Variants in UBE2E2 observed in about 807,000 individuals in gnomAD.
UBE2E2 encodes the protein ubiquitin-conjugating enzyme E2 E2.
Under a neutral mutation model 24.7 loss-of-function variants are expected in UBE2E2, and 6 were observed. That is an observed-to-expected ratio of 0.24 (90% CI 0.13 to 0.48). The LOEUF (loss-of-function observed/expected upper bound fraction) is 0.48. Ranked by LOEUF, UBE2E2 falls within the 20% of genes least tolerant of loss-of-function variation. The pLI is 0.99. For missense variants in UBE2E2, 169 were observed against 245.0 expected (o/e 0.69, Z 2.07); for synonymous variants, 104 against 83.6 (o/e 1.24, Z -1.33).
chr3:23,309,777 A>T (rs1310653068), intron 3 of UBE2E2, among the ~76,000 whole-genome samples: 1 of 152,174 alleles, frequency 6.6e-6, no homozygotes, highest in Non-Finnish European at 1.5e-5. Context: ...AAGTTAGCTC[A>T]GTCACGTTCC....
At chr3:23,218,952 C>G (rs1696554074) in intron 3 of UBE2E2, among the ~76,000 whole-genome samples, 3 of 152,138 alleles carry the variant, frequency 2.0e-5, no homozygotes, top group Admixed American at 2.0e-4. Context: ...CATATGTAAG[C>G]TCTTCATAAA....
intron 3 of UBE2E2, among the ~76,000 whole-genome samples, chr3:23,477,701 AC>A (rs1699169238): frequency 6.6e-6 from 1 of 152,166 alleles, no homozygotes; most frequent in South Asian, 2.1e-4. Flanking sequence ...AGAGTAAAAT[AC>A]CTTTTTAAGG....
chr3:23,423,022 T>C (rs1177863774), intron 3 of UBE2E2, among the ~76,000 whole-genome samples: 1 of 152,224 alleles, frequency 6.6e-6, no homozygotes, highest in African/African-American at 2.4e-5. Context: ...GCTTGGTTTT[T>C]CTGTGTGTCT....
intron 3 of UBE2E2, among the ~76,000 whole-genome samples, chr3:23,269,085 A>G (rs1698154826): frequency 6.6e-6 from 1 of 152,072 alleles, no homozygotes; most frequent in African/African-American, 2.4e-5. Context: ...CGTTAGACCT[A>G]AAACCATAAA....
intron 3 of UBE2E2, among the ~76,000 whole-genome samples, chr3:23,300,215 G>A (rs2125261068): frequency 6.6e-6 from 1 of 152,148 alleles, no homozygotes. Context: ...ACAGCACACT[G>A]GTGGGTCTTG....
chr3:23,544,937 G>T (rs369473673), intron 5 of UBE2E2, among the ~76,000 whole-genome samples: 1 of 152,112 alleles, frequency 6.6e-6, no homozygotes, highest in Admixed American at 6.5e-5. Flanking sequence ...AAAGGTCTTT[G>T]CATCATAGAC....
At chr3:23,272,066 C>T (rs920661423) in intron 3 of UBE2E2, among the ~76,000 whole-genome samples, 8 of 152,188 alleles carry the variant, frequency 5.3e-5, no homozygotes, top group Non-Finnish European at 1.0e-4. Context: ...GGACTGGGTG[C>T]CGTGGAGCAG....
In UBE2E2 at chr3:23,245,219, T is replaced by TGTA. The variant is rs528305110; in HGVS notation, c.227+27909_227+27910insAGT. Among the ~76,000 whole-genome samples, 43 of 152,290 alleles carry TGTA rather than the reference T, an allele frequency of 2.8e-4. No homozygotes were observed. In the South Asian group the frequency reaches 8.9e-3, roughly 32 times the overall value. ...GGAAAAAACTCCATAGAGCACTTAC[T>TGTA]GTCTGATAAAAGAGGGTATATAATT... On this transcript the variant is annotated intron_variant, in intron 3 of 5. Coordinates refer to ENST00000396703, the MANE Select transcript of UBE2E2 (RefSeq NM_152653.4).
At chr3:23,249,618 T>C (rs1214915937) in intron 3 of UBE2E2, among the ~76,000 whole-genome samples, 5 of 151,312 alleles carry the variant, frequency 3.3e-5, no homozygotes, top group African/African-American at 1.2e-4. Flanking sequence ...TTATTTTAAT[T>C]TGATGGCTAA....
At chr3:23,246,138 G>A (rs1697390468) in intron 3 of UBE2E2, among the ~76,000 whole-genome samples, 1 of 151,874 alleles carries the variant, frequency 6.6e-6, no homozygotes, top group Admixed American at 6.6e-5. Context: ...TCCACATCCT[G>A]GGCTCAAGTG....
At chr3:23,558,881 C>G (rs1695852896) in intron 5 of UBE2E2, among the ~76,000 whole-genome samples, 1 of 152,146 alleles carries the variant, frequency 6.6e-6, no homozygotes, top group Non-Finnish European at 1.5e-5. Context: ...GGCAACATAG[C>G]AAGACCCCAT....
chr3:23,469,369 C>A (rs998021518), intron 3 of UBE2E2, among the ~76,000 whole-genome samples: 2 of 152,136 alleles, frequency 1.3e-5, no homozygotes, highest in Non-Finnish European at 2.9e-5. Context: ...TTTAAGCTCA[C>A]TAGGGATTCC....
At chr3:23,486,242 C>A (rs1699367622) in intron 3 of UBE2E2, among the ~76,000 whole-genome samples, 1 of 152,128 alleles carries the variant, frequency 6.6e-6, no homozygotes, top group Non-Finnish European at 1.5e-5. Flanking sequence ...GGTGCCAGCT[C>A]CGTGCAAGGC....
At chr3:23,452,451 A>G (rs756979155) in intron 3 of UBE2E2, among the ~76,000 whole-genome samples, 81 of 152,170 alleles carry the variant, frequency 5.3e-4, no homozygotes, top group Non-Finnish European at 8.4e-4. Context: ...ATAAGAATGT[A>G]TGTTTTGAAT....
chr3:23,564,263 A>G (rs147262555), intron 5 of UBE2E2, among the ~76,000 whole-genome samples: 218 of 152,282 alleles, frequency 1.4e-3, no homozygotes, highest in African/African-American at 4.8e-3. Flanking sequence ...TGCATGATCA[A>G]TATGCAAATA....
chr3:23,453,767 A>G (rs2359768), intron 3 of UBE2E2, among the ~76,000 whole-genome samples: 25,105 of 152,160 alleles, frequency 0.16, 2,643 homozygotes, highest in African/African-American at 0.29. Context: ...CTTGTAGAGC[A>G]GTGTATTACA....
chr3:23,295,449 G>C (rs1278778646), intron 3 of UBE2E2, among the ~76,000 whole-genome samples: 1 of 152,178 alleles, frequency 6.6e-6, no homozygotes, highest in Non-Finnish European at 1.5e-5. Context: ...GAATGGTCCA[G>C]GTGGGTACAC....
chr3:23,493,901 C>T (rs1259177850), intron 3 of UBE2E2, among the ~76,000 whole-genome samples: 1 of 152,166 alleles, frequency 6.6e-6, no homozygotes, highest in Non-Finnish European at 1.5e-5. Context: ...ACAACAGCAA[C>T]TGACATTTGG....
intron 3 of UBE2E2, among the ~76,000 whole-genome samples, chr3:23,309,555 T>C (rs1699320752): frequency 6.6e-6 from 1 of 152,144 alleles, no homozygotes; most frequent in African/African-American, 2.4e-5. Flanking sequence ...AATTGAGGCA[T>C]AGGCTGTTCT....
Sources: gnomAD v4.1 joint callset for allele counts (sites outside exome capture counted in the v4.1 genomes callset) on GRCh38, gnomAD v4.1.1 for gene constraint, MANE v1.5 for transcripts, NCBI Gene and HGNC (gene_info 2026-07-23, HGNC 2026-07-21) for gene names.